PIK3R5: variants seen among roughly 807,000 people sequenced by gnomAD.
PIK3R5 encodes phosphoinositide 3-kinase regulatory subunit 5.
PIK3R5 carries 32 observed loss-of-function variants against 94.9 expected under a neutral mutation model. The ratio of observed to expected loss-of-function variants is 0.34; its 90% CI spans 0.25 to 0.45. The LOEUF is 0.45. Among genes scored for constraint, PIK3R5 ranks in the 20% least tolerant of loss-of-function variants. The pLI is 1.00. For synonymous variants in PIK3R5, 443 were observed against 479.4 expected, an observed-to-expected ratio of 0.92 and a Z score of 0.99; for missense variants, 853 against 1,144.6, an observed-to-expected ratio of 0.75 and a Z score of 3.68.
At position 8,935,710 on chromosome 17, in the gene PIK3R5, C is replaced by T. The variant is rs1401565195; in HGVS notation, c.-13-24203G>A. Among the ~76,000 whole-genome samples the T allele has an allele frequency of 1.3e-5, 2 of 152,202 alleles. No individual in the cohort carries two copies. The highest frequency in any genetic ancestry group is 2.9e-5 in the Non-Finnish European group (2 of 68,042). On this transcript the variant is annotated intron_variant, in intron 1 of 18. Coordinates refer to ENST00000447110, the MANE Select transcript of PIK3R5 (RefSeq NM_001142633.3). This position sits in a 1 kb window ranked among gnomAD's most constrained non-coding sequence, Gnocchi z 4.5. ...TGGCAGGAAAGTGAACAGCTCTGAG[C>T]TCCCGGACAGCTCCTGGCAGGATGG...
At chr17:8,965,110 C>T (rs1267543533) in intron 1 of PIK3R5, among the ~76,000 whole-genome samples, 1 of 152,238 alleles carries the variant, frequency 6.6e-6, no homozygotes, top group Non-Finnish European at 1.5e-5. Context: ...ACAGCAGCCG[C>T]GTCTGGGCCC....
At chr17:8,913,857 C>G (rs2090579026) in intron 1 of PIK3R5, among the ~76,000 whole-genome samples, 2 of 152,232 alleles carry the variant, frequency 1.3e-5, no homozygotes, top group Admixed American at 6.5e-5. Flanking sequence ...TTTAACACCT[C>G]CACAGGTAGC....
At chr17:8,887,863 T>C (rs1597375448) in intron 10 of PIK3R5, among the ~76,000 whole-genome samples, 180 bp from the exon 11 acceptor site, 1 of 149,284 alleles carries the variant, frequency 6.7e-6, no homozygotes, top group Admixed American at 6.7e-5. Context: ...TAGTCAGGTG[T>C]GGTGGTGTGC....
At chr17:8,933,280 A>AT (rs1445370941) in intron 1 of PIK3R5, among the ~76,000 whole-genome samples, 1 of 152,148 alleles carries the variant, frequency 6.6e-6, no homozygotes, top group East Asian at 1.9e-4. Flanking sequence ...TTACATTTTA[A>AT]TGTTTGTAAA....
At position 8,954,738 on chromosome 17, in the gene PIK3R5, C is replaced by T. The variant is rs150635945; in HGVS notation, c.-14+10858G>A. Among the ~76,000 whole-genome samples the T allele has an allele frequency of 2.0e-3, 309 of 152,108 alleles. 1 individual carries two copies. The highest frequency in any genetic ancestry group is 6.8e-3 in the African/African-American group (282 of 41,480). Reference sequence around the variant, plus strand: ...ATCACCTGAGGTCAGGAGTTCAAGACCAGCCTGGCCAACATGGTGAAACTC... The same window carrying T: ...ATCACCTGAGGTCAGGAGTTCAAGATCAGCCTGGCCAACATGGTGAAACTC... On this transcript the variant is annotated intron_variant, in intron 1 of 18. Transcript: ENST00000447110.
rs771732131 is a variant in PIK3R5 at position 8,881,831 on chromosome 17, G to T, written c.2256C>A (p.Thr752=). The part of the protein sequence containing the change: ...SRWSNLEKVC[T]SVNLNKACRK... Reference sequence around the variant, plus strand: ...GGCAGGCCTTGTTGAGGTTCACGGAGGTACAGACCTTCTCCAGGTTGCTCC... The same window carrying T: ...GGCAGGCCTTGTTGAGGTTCACGGATGTACAGACCTTCTCCAGGTTGCTCC... The change falls in exon 16 of 19, where the codon ACC becomes ACA. Residue 752 remains threonine, a synonymous_variant. Transcript: ENST00000447110. This position sits in a 1 kb window ranked among gnomAD's most constrained non-coding sequence, Gnocchi z 4.8. 1 of 1,614,158 alleles carries T rather than the reference G, an allele frequency of 6.2e-7. No homozygotes were observed. The highest frequency in any genetic ancestry group is 1.1e-5 in the South Asian group (1 of 91,082).
chr17:8,951,199 T>A (rs1420366893), intron 1 of PIK3R5, among the ~76,000 whole-genome samples: 1 of 152,242 alleles, frequency 6.6e-6, no homozygotes, highest in Admixed American at 6.5e-5. Flanking sequence ...ACTCTGGATA[T>A]TAGACCTTTG....
chr17:8,948,849 G>A (rs988667052), intron 1 of PIK3R5, among the ~76,000 whole-genome samples: 4 of 152,156 alleles, frequency 2.6e-5, no homozygotes, highest in Non-Finnish European at 5.9e-5. Context: ...AGGAAGTTCA[G>A]AGAAGCACCA....
At position 8,888,353 on chromosome 17, in the gene PIK3R5, G is replaced by A. The variant is rs2089930986; in HGVS notation, c.1434C>T (p.Ser478=). The part of the protein sequence containing the change: ...SPPSRAQRSR[S]LPQPKLGTQL... ...GGGTACCGAGTTTGGGCTGGGGCAG[G>A]GAGCGGGAGCGCTGGGCCCGGGAAG... The change falls in exon 10 of 19, where the codon TCC becomes TCT. Residue 478 remains serine (S), a synonymous_variant. Transcript: ENST00000447110. This position sits in a 1 kb window ranked among gnomAD's most constrained non-coding sequence, Gnocchi z 7.8. The A allele has an allele frequency of 6.2e-7, 1 of 1,611,316 alleles. No individual in the cohort carries two copies. Among genetic ancestry groups the A allele is most frequent in the South Asian group, 1.1e-5 (1 of 90,998 alleles).
Position 8,892,348 on chromosome 17 carries a change from C to T in PIK3R5, c.482+1238G>A, listed in dbSNP as rs1468466967. On this transcript the variant is annotated intron_variant, in intron 6 of 18. Coordinates refer to ENST00000447110, the MANE Select transcript of PIK3R5 (RefSeq NM_001142633.3). The surrounding 1 kb of genome is among the most constrained non-coding windows in gnomAD (Gnocchi z 4.3). ...ACCTTGTAACGAGCCCAGCCGAGCC[C>T]CTGCCCTCACCAGCTTGCATAATTT... Among the ~76,000 whole-genome samples the T allele has an allele frequency of 1.3e-5, 2 of 152,148 alleles. No homozygotes were observed. The highest frequency in any genetic ancestry group is 4.8e-5 in the African/African-American group (2 of 41,428).
intron 15 of PIK3R5, among the ~76,000 whole-genome samples, chr17:8,883,927 T>G (rs763429425): frequency 1.1e-4 from 17 of 152,198 alleles, no homozygotes; most frequent in Non-Finnish European, 2.1e-4. Context: ...CGGTGCCTCC[T>G]GCCCACCTCC....
intron 1 of PIK3R5, among the ~76,000 whole-genome samples, chr17:8,956,793 T>C (rs987775647): frequency 3.3e-5 from 5 of 152,130 alleles, no homozygotes; most frequent in African/African-American, 1.2e-4. Context: ...GTGAGATAGG[T>C]TGGCCCCAAG....
rs2089673033 is a variant in PIK3R5 at position 8,881,866 on chromosome 17, G to A, written c.2221C>T (p.Arg741Ter). ...IIYSKGAISGRSRWSNLEKVC... is the reference protein window; with the variant it reads ...IIYSKGAISG ...TTCTCCAGGTTGCTCCAGCGACTTC[G>A]TCCACTGATGGCCCCCTGGAAATGC... Residue 741 changes from arginine (R) to a stop codon, truncating the protein, a stop_gained, in exon 16 of 19, where the codon CGA becomes TGA. Coordinates refer to ENST00000447110, the MANE Select transcript of PIK3R5 (RefSeq NM_001142633.3). LOFTEE classifies it high-confidence loss of function. The surrounding 1 kb of genome is among the most constrained non-coding windows in gnomAD (Gnocchi z 4.8). 1.2e-6 allele frequency: 2 copies of A among 1,613,518 alleles called. No homozygotes were observed. The highest frequency in any genetic ancestry group is 1.7e-6 in the Non-Finnish European group (2 of 1,179,736).
intron 15 of PIK3R5, among the ~76,000 whole-genome samples, chr17:8,883,078 C>A (rs1319805414): frequency 6.6e-6 from 1 of 152,218 alleles, no homozygotes; most frequent in Non-Finnish European, 1.5e-5. Context: ...GGATAAAATT[C>A]CTTTCATTGG....
intron 1 of PIK3R5, among the ~76,000 whole-genome samples, chr17:8,961,407 G>A (rs765232661): frequency 3.3e-5 from 5 of 152,130 alleles, no homozygotes; most frequent in Non-Finnish European, 5.9e-5. Flanking sequence ...GGCCAAGGCG[G>A]GCAGAACACC....
chr17:8,895,832 G>C (rs550519171), intron 5 of PIK3R5, among the ~76,000 whole-genome samples: 1 of 152,306 alleles, frequency 6.6e-6, no homozygotes, highest in African/African-American at 2.4e-5. Flanking sequence ...CCCAGAGAGA[G>C]TGATTTTCAG....
intron 1 of PIK3R5, among the ~76,000 whole-genome samples, chr17:8,957,186 G>A (rs749985264): frequency 2.0e-5 from 3 of 152,114 alleles, no homozygotes; most frequent in Non-Finnish European, 4.4e-5. Flanking sequence ...AAGCTATATT[G>A]GTCTCCTTTC....
Position 8,880,437 on chromosome 17 carries a change from TTC to T in PIK3R5, c.*200_*201del. 1 of 515,382 alleles carries T rather than the reference TTC, an allele frequency of 1.9e-6. No individual in the cohort carries two copies. Among genetic ancestry groups the T allele is most frequent in the Non-Finnish European group, 3.4e-6 (1 of 295,760 alleles). The allele number at this position is 515,382 out of a possible 1,614,324, so 31.9% of individuals were successfully genotyped here. On this transcript the variant is annotated 3_prime_UTR_variant, in exon 19 of 19. Transcript: ENST00000447110. ...TCTAAGAGGCTATGGGGTCTGGCCC[TTC>T]TCTCTCTGATAGCTGTTGCTTTCCC... is the stretch of plus-strand genomic sequence containing the variant.
Position 8,882,199 on chromosome 17 carries a change from A to C in PIK3R5, c.2206-318T>G. On this transcript the variant is annotated intron_variant, in intron 15 of 18. Coordinates refer to ENST00000447110, the MANE Select transcript of PIK3R5 (RefSeq NM_001142633.3). This position sits in a 1 kb window ranked among gnomAD's most constrained non-coding sequence, Gnocchi z 4.1. Reference sequence around the variant, plus strand: ...GTGAAGAAGGGTTGGGCCCACAGACATGCTGTTTCTGGCAGAGCCAGACCT... The same window carrying C: ...GTGAAGAAGGGTTGGGCCCACAGACCTGCTGTTTCTGGCAGAGCCAGACCT... 5 of 349,996 alleles carry C rather than the reference A, an allele frequency of 1.4e-5. No individual in the cohort carries two copies. The highest frequency in any genetic ancestry group is 4.1e-5 in the Admixed American group (1 of 24,206). 21.7% of individuals were successfully genotyped at this position (349,996 alleles called of 1,614,324 possible). A position where few individuals can be genotyped will look rare whatever the true frequency, so the allele number is the denominator to read the frequency against.
Sources: allele counts gnomAD v4.1 joint callset (sites outside exome capture counted in the v4.1 genomes callset), GRCh38; gene constraint gnomAD v4.1.1; non-coding constraint Gnocchi (gnomAD v3.1); transcripts MANE v1.5; gene names NCBI Gene and HGNC (gene_info 2026-07-23, HGNC 2026-07-21).